Variants in TBC1D9 observed in about 807,000 individuals in gnomAD.
TBC1D9 encodes TBC1 domain family member 9.
Under a neutral mutation model 132.0 loss-of-function variants are expected in TBC1D9, and 63 were observed. That is an observed-to-expected ratio of 0.48 (90% CI 0.39 to 0.59). The LOEUF is 0.59. Among genes scored for constraint, TBC1D9 ranks in the 20% least tolerant of loss-of-function variants. The pLI is 0.00. For missense variants in TBC1D9, 1,261 were observed against 1,592.7 expected (o/e 0.79, Z 3.54); for synonymous variants, 610 against 609.9 (o/e 1.00, Z 0.00).
intron 13 of TBC1D9, among the ~76,000 whole-genome samples, chr4:140,655,781 T>C (rs1454634436): frequency 5.3e-5 from 8 of 152,144 alleles, no homozygotes; most frequent in African/African-American, 1.9e-4. Context: ...CAAGCAATTT[T>C]AGAGGAATCC....
intron 2 of TBC1D9, 74 bp from the exon 3 acceptor site, chr4:140,686,536 A>C: frequency 1.1e-6 from 1 of 936,212 alleles, no homozygotes. Context: ...TCACTTTTTC[A>C]TTATAGTCTA....
chr4:140,708,983 G>A (rs553004734), intron 1 of TBC1D9, among the ~76,000 whole-genome samples: 85 of 152,106 alleles, frequency 5.6e-4, no homozygotes, highest in African/African-American at 2.0e-3. Flanking sequence ...CTTCAGTGTC[G>A]AATGGTGGGA....
chr4:140,734,637 T>A (rs1004434561), intron 1 of TBC1D9, among the ~76,000 whole-genome samples: 9 of 151,908 alleles, frequency 5.9e-5, no homozygotes, highest in African/African-American at 1.9e-4. Context: ...TACAAAAAAA[T>A]TTTTTTTAGT....
intron 13 of TBC1D9, among the ~76,000 whole-genome samples, chr4:140,654,948 G>A (rs774963671): frequency 1.3e-4 from 20 of 151,958 alleles, no homozygotes; most frequent in East Asian, 1.9e-4. Context: ...GGAAGAAATC[G>A]AAGTAAATGT....
chr4:140,700,821 GA>G (rs368747891), intron 2 of TBC1D9: 3,402 of 144,388 alleles, frequency 0.024, 71 homozygotes, highest in Admixed American at 0.065. Flanking sequence ...CTCCGTCTGG[GA>G]AAAAAAAAAA....
At chr4:140,741,492 G>A (rs1294593134) in intron 1 of TBC1D9, among the ~76,000 whole-genome samples, 8 of 152,100 alleles carry the variant, frequency 5.3e-5, no homozygotes, top group Admixed American at 2.0e-4. Context: ...TGAGACAGGC[G>A]GATTGCTTGA....
intron 5 of TBC1D9, among the ~76,000 whole-genome samples, chr4:140,678,519 G>A (rs968954601): frequency 2.0e-5 from 3 of 152,122 alleles, no homozygotes; most frequent in Non-Finnish European, 4.4e-5. Flanking sequence ...ACTTCTCTCT[G>A]TGTTTTCCCT....
At chr4:140,684,832 A>G (rs1737756747) in intron 3 of TBC1D9, among the ~76,000 whole-genome samples, 1 of 149,184 alleles carries the variant, frequency 6.7e-6, no homozygotes, top group Admixed American at 6.7e-5. Flanking sequence ...CTCTGTCTCA[A>G]TAAATAAATA....
chr4:140,755,922 G>C lies in TBC1D9; in HGVS notation c.124C>G (p.Leu42Val). 6.4e-7 allele frequency: 1 copy of C among 1,566,872 alleles called. No homozygotes were observed. Among genetic ancestry groups the C allele is most frequent in the Non-Finnish European group, 8.6e-7 (1 of 1,158,934 alleles). The change falls in exon 1 of 21, where the codon CTG (leucine) becomes GTG (valine). Residue 42 changes from leucine to valine, a missense_variant. Coordinates refer to ENST00000442267, the MANE Select transcript of TBC1D9 (RefSeq NM_015130.3). ...HAGDGGGGGGLAGLLVGTLDV... is the reference protein window; with the variant it reads ...HAGDGGGGGGVAGLLVGTLDV... ...GATCGGCCACGGTCCTTACCCGCCA[G>C]TCCGCCGCCGCCGCCTCCATCGCCG...
chr4:140,643,698 T>C lies in TBC1D9; in HGVS notation c.2338-4270A>G, dbSNP rs1039739331. The C allele has an allele frequency of 1.2e-5, 14 of 1,199,250 alleles. No individual in the cohort carries two copies. In the African/African-American group the frequency reaches 1.4e-4, roughly 12 times the overall value. 74.3% of individuals were successfully genotyped at this position (1,199,250 alleles called of 1,614,324 possible). A position where few individuals can be genotyped will look rare whatever the true frequency, so the allele number is the denominator to read the frequency against. On this transcript the variant is annotated intron_variant, in intron 13 of 20. Coordinates refer to ENST00000442267, the MANE Select transcript of TBC1D9 (RefSeq NM_015130.3). ...CTCGGGTGTCAGCTGCACCCCCAGG[T>C]CCAATGCGGCCGTGCAGGGTTCTGT...
chr4:140,663,264 T>C (rs1400297801), intron 9 of TBC1D9, among the ~76,000 whole-genome samples: 2 of 152,186 alleles, frequency 1.3e-5, no homozygotes, highest in African/African-American at 2.4e-5. Flanking sequence ...AAAGAAGGTA[T>C]ACAAATCACC....
At chr4:140,671,172 A>G (rs1436277265) in intron 6 of TBC1D9, among the ~76,000 whole-genome samples, 2 of 152,136 alleles carry the variant, frequency 1.3e-5, no homozygotes, top group Admixed American at 1.3e-4. Flanking sequence ...GTGGTTCAAA[A>G]TGGGACTTTT....
In TBC1D9 at chr4:140,622,735, G is replaced by A; in HGVS notation, c.3261C>T (p.Cys1087=). 4 of 1,608,396 alleles carry A rather than the reference G, an allele frequency of 2.5e-6. No homozygotes were observed. The highest frequency in any genetic ancestry group is 3.4e-6 in the Non-Finnish European group (4 of 1,179,756). ...EGGSGGSGPS[C]HQGIPGVLFP... Reference sequence around the variant, plus strand: ...AGAGCACGCCTGGGATGCCCTGGTGGCAGGACGGCCCACTGCCTCCGCTCC... The same window carrying A: ...AGAGCACGCCTGGGATGCCCTGGTGACAGGACGGCCCACTGCCTCCGCTCC... Residue 1087 remains cysteine, a synonymous_variant, in exon 21 of 21, where the codon TGC becomes TGT. Transcript: ENST00000442267.
At chr4:140,683,738 C>T (rs1737740928) in intron 3 of TBC1D9, among the ~76,000 whole-genome samples, 1 of 152,180 alleles carries the variant, frequency 6.6e-6, no homozygotes, top group Admixed American at 6.5e-5. Context: ...TTTCAACAAC[C>T]AAAATGCTGA....
At chr4:140,687,898 T>C (rs1197458948) in intron 2 of TBC1D9, among the ~76,000 whole-genome samples, 2 of 151,948 alleles carry the variant, frequency 1.3e-5, no homozygotes, top group Admixed American at 1.3e-4. Context: ...CCAGGCTGGG[T>C]AACATGGGGA....
chr4:140,653,840 G>A (rs1019043467), intron 13 of TBC1D9, among the ~76,000 whole-genome samples: 1 of 152,170 alleles, frequency 6.6e-6, no homozygotes, highest in African/African-American at 2.4e-5. Context: ...AGGGAACTGC[G>A]GCTTTGTCCT....
At chr4:140,728,389 A>T (rs1738532104) in intron 1 of TBC1D9, among the ~76,000 whole-genome samples, 1 of 133,898 alleles carries the variant, frequency 7.5e-6, no homozygotes, top group Non-Finnish European at 1.5e-5. Context: ...AAAAATTTTT[A>T]ACTTTAAATG....
Position 140,657,387 on chromosome 4 carries a change from A to G in TBC1D9, c.2207+140T>C, listed in dbSNP as rs142967491. ...AAATTCTGTTAATTTCTAAAGAAAA[A>G]GCATATGAAAATAAATCCTCAGCCA... On this transcript the variant is annotated intron_variant, in intron 12 of 20. Transcript: ENST00000442267. The G allele has an allele frequency of 2.2e-5, 29 of 1,344,364 alleles. No homozygotes were observed. In the East Asian group the frequency reaches 6.5e-4, roughly 30 times the overall value. The allele number at this position is 1,344,364 out of a possible 1,614,324, so 83.3% of individuals were successfully genotyped here.
At chr4:140,735,304 G>A (rs1268222877) in intron 1 of TBC1D9, among the ~76,000 whole-genome samples, 1 of 151,870 alleles carries the variant, frequency 6.6e-6, no homozygotes, top group Non-Finnish European at 1.5e-5. Context: ...ATGAATAAGA[G>A]TGGAAAAAGA....
Sources: gnomAD v4.1 joint callset for allele counts (sites outside exome capture counted in the v4.1 genomes callset) on GRCh38, gnomAD v4.1.1 for gene constraint, MANE v1.5 for transcripts, NCBI Gene and HGNC (gene_info 2026-07-23, HGNC 2026-07-21) for gene names.